Variants in TEAD1 observed in about 807,000 individuals in gnomAD.
TEAD1 encodes the protein transcriptional enhancer factor TEF-1.
TEAD1 carries 9 observed loss-of-function variants against 54.9 expected under a neutral mutation model. The observed-to-expected ratio is 0.16, with a 90% CI of 0.10 to 0.29. The LOEUF is 0.29. Ranked by LOEUF, TEAD1 falls within the 10% of genes least tolerant of loss-of-function variation. The pLI, the probability that TEAD1 is intolerant of heterozygous loss-of-function variation, is 1.00. For synonymous variants in TEAD1, 200 were observed against 187.8 expected (o/e 1.07, Z -0.53); for missense variants, 387 against 535.9 (o/e 0.72, Z 2.74).
chr11:12,925,573 A>G lies in TEAD1; in HGVS notation c.1014+521A>G, dbSNP rs565142607. 2.3e-4 allele frequency among the ~76,000 whole-genome samples: 35 copies of G among 152,284 alleles called. 1 individual carries two copies. The highest frequency in any genetic ancestry group is 7.5e-4 in the African/African-American group (31 of 41,580). On this transcript the variant is annotated intron_variant, in intron 11 of 12. Transcript: ENST00000527636. ...TTTCCTGTTAACTTCTAAAAAGCCA[A>G]AGTGATTTGGAAGCACCTGAAAGGA...
intron 3 of TEAD1, among the ~76,000 whole-genome samples, chr11:12,834,773 T>C (rs1946853081): frequency 6.6e-6 from 1 of 151,732 alleles, no homozygotes. Context: ...CTTTTTTTTT[T>C]TTTTTCTTAA....
At chr11:12,710,146 G>A (rs368447177) in intron 2 of TEAD1, among the ~76,000 whole-genome samples, 282 of 152,102 alleles carry the variant, frequency 1.9e-3, no homozygotes, top group African/African-American at 6.4e-3. Context: ...GGGCAACATA[G>A]CAAGTCCTTG....
intron 9 of TEAD1, 23 bp downstream of exon 9, chr11:12,883,148 G>A: frequency 6.2e-7 from 1 of 1,614,084 alleles, no homozygotes; most frequent in Non-Finnish European, 8.5e-7. Context: ...AGAGAGGTGT[G>A]TCTTGAATCC....
intron 2 of TEAD1, among the ~76,000 whole-genome samples, chr11:12,740,449 A>G (rs561727541): frequency 6.6e-6 from 1 of 152,356 alleles, no homozygotes; most frequent in South Asian, 2.1e-4. Context: ...AATTGTCACT[A>G]GACATAAAGT....
intron 9 of TEAD1, among the ~76,000 whole-genome samples, chr11:12,893,568 G>T: frequency 6.6e-6 from 1 of 152,142 alleles, no homozygotes; most frequent in East Asian, 1.9e-4. Flanking sequence ...TGGCAGGTCC[G>T]CACCCCACGC....
intron 3 of TEAD1, among the ~76,000 whole-genome samples, chr11:12,830,561 A>T (rs1371728842): frequency 6.6e-6 from 1 of 152,086 alleles, no homozygotes; most frequent in Non-Finnish European, 1.5e-5. Flanking sequence ...CCCACACGAC[A>T]CAGCCCAGCC....
chr11:12,764,530 A>G (rs1590127260), intron 3 of TEAD1, 96 bp downstream of exon 3: 4 of 1,413,072 alleles, frequency 2.8e-6, no homozygotes, highest in African/African-American at 2.8e-5. Flanking sequence ...TGTTCATTGT[A>G]TGGGGTTGAG....
chr11:12,801,479 A>G (rs1183661330), intron 3 of TEAD1, among the ~76,000 whole-genome samples: 1 of 152,244 alleles, frequency 6.6e-6, no homozygotes, highest in East Asian at 1.9e-4. Context: ...AGTACTTACT[A>G]TAGGCTAAGG....
chr11:12,852,082 A>G (rs1336365335), intron 3 of TEAD1, among the ~76,000 whole-genome samples: 1 of 152,226 alleles, frequency 6.6e-6, no homozygotes, highest in East Asian at 1.9e-4. Flanking sequence ...CTTTGCAGGT[A>G]AAAGAGAAGA....
At chr11:12,901,836 A>AT (rs1948430786) in intron 9 of TEAD1, 104 bp from the exon 10 acceptor site, 5 of 1,411,196 alleles carry the variant, frequency 3.5e-6, no homozygotes, top group Non-Finnish European at 5.0e-6. Context: ...GGAAGGCCTA[A>AT]TTCCAGAATT....
At chr11:12,825,076 T>G (rs1946623002) in intron 3 of TEAD1, among the ~76,000 whole-genome samples, 1 of 152,238 alleles carries the variant, frequency 6.6e-6, no homozygotes, top group Non-Finnish European at 1.5e-5. Context: ...GGTTCATCAG[T>G]ATAAGAAAAT....
intron 3 of TEAD1, among the ~76,000 whole-genome samples, chr11:12,836,059 A>G (rs1168887172): frequency 2.0e-5 from 3 of 152,236 alleles, no homozygotes; most frequent in Admixed American, 1.3e-4. Context: ...TGATTCTGCA[A>G]TGTATACATA....
At chr11:12,854,784 G>C (rs912417732) in intron 3 of TEAD1, among the ~76,000 whole-genome samples, 1 of 143,074 alleles carries the variant, frequency 7.0e-6, no homozygotes, top group Non-Finnish European at 1.5e-5. Flanking sequence ...TTTTTTAAGA[G>C]ATAGGGTCTC....
rs141337114 is a variant in TEAD1, at chr11:12,691,026, C to T, written c.-55+15465C>T. Among the ~76,000 whole-genome samples, 738 of 152,346 alleles carry T rather than the reference C, an allele frequency of 4.8e-3. 3 individuals carry two copies. The highest frequency in any genetic ancestry group is 0.017 in the African/African-American group (707 of 41,576). On this transcript the variant is annotated intron_variant, in intron 2 of 12. Coordinates refer to ENST00000527636, the MANE Select transcript of TEAD1 (RefSeq NM_021961.6). ...TCGGCTTCCCAAATTGCTGAGATTA[C>T]AGGCGTGAGCCATCTCACCCAACCC...
intron 5 of TEAD1, chr11:12,865,273 G>C (rs757995917): frequency 5.0e-6 from 1 of 201,946 alleles, no homozygotes; most frequent in Non-Finnish European, 1.0e-5. Context: ...GAAAAGTCCA[G>C]AGATGCAAAA....
At chr11:12,880,208 C>G (rs1947938487) in intron 6 of TEAD1, among the ~76,000 whole-genome samples, 1 of 152,202 alleles carries the variant, frequency 6.6e-6, no homozygotes, top group Non-Finnish European at 1.5e-5. Flanking sequence ...CCCTTGGTCT[C>G]TGTCCCTCTG....
intron 2 of TEAD1, among the ~76,000 whole-genome samples, chr11:12,759,939 C>G (rs532899598): frequency 1.3e-5 from 2 of 152,358 alleles, no homozygotes; most frequent in South Asian, 2.1e-4. Context: ...AAAACGGTTA[C>G]TACCCTGAAC....
intron 2 of TEAD1, among the ~76,000 whole-genome samples, chr11:12,757,797 T>G (rs1479852483): frequency 1.3e-5 from 2 of 152,230 alleles, no homozygotes; most frequent in African/African-American, 4.8e-5. Context: ...TTAATTTTTT[T>G]GAGACAGAGT....
chr11:12,880,953 T>C, intron 6 of TEAD1, 52 bp from the exon 7 acceptor site: 1 of 1,606,456 alleles, frequency 6.2e-7, no homozygotes, highest in South Asian at 1.1e-5. Flanking sequence ...CATCCTAAAC[T>C]GTGCTTTGAA....
Sources: allele counts gnomAD v4.1 joint callset (sites outside exome capture counted in the v4.1 genomes callset), GRCh38; gene constraint gnomAD v4.1.1; transcripts MANE v1.5; gene names NCBI Gene and HGNC (gene_info 2026-07-23, HGNC 2026-07-21).